ANKRD18A: variants seen among roughly 807,000 people sequenced by gnomAD.
ANKRD18A encodes ankyrin repeat domain-containing protein 18A.
In ANKRD18A, 72 loss-of-function variants were observed where a neutral mutation model predicts 110.6. The ratio of observed to expected loss-of-function variants is 0.65; its 90% CI spans 0.54 to 0.79. The LOEUF (loss-of-function observed/expected upper bound fraction) is 0.79, where lower values mean the gene tolerates loss of function less well. Among genes scored for constraint, ANKRD18A ranks in the 30% least tolerant of loss-of-function variants. ANKRD18A has a pLI of 0.00. For synonymous variants in ANKRD18A, 305 were observed against 410.3 expected, an observed-to-expected ratio of 0.74 and a Z score of 3.10; for missense variants, 934 against 1,163.3, an observed-to-expected ratio of 0.80 and a Z score of 2.87.
intron 3 of ANKRD18A, among the ~76,000 whole-genome samples, chr9:38,612,563 G>C (rs983070039): frequency 2.1e-5 from 3 of 139,902 alleles, no homozygotes; most frequent in African/African-American, 8.2e-5. Flanking sequence ...TGTCACCCAG[G>C]CTGCAGTGCA....
intron 12 of ANKRD18A, among the ~76,000 whole-genome samples, chr9:38,579,965 G>A (rs1587489514): frequency 6.6e-6 from 1 of 152,138 alleles, no homozygotes; most frequent in Non-Finnish European, 1.5e-5. Context: ...AAAAATTGTG[G>A]TACACATAAA....
chr9:38,607,110 G>A (rs1825395048), intron 6 of ANKRD18A, among the ~76,000 whole-genome samples: 1 of 152,172 alleles, frequency 6.6e-6, no homozygotes, highest in Admixed American at 6.5e-5. Flanking sequence ...AGGCTGGAGT[G>A]CAGTGGTGCA....
chr9:38,610,681 G>A (rs1274820949), intron 4 of ANKRD18A, among the ~76,000 whole-genome samples: 1 of 152,070 alleles, frequency 6.6e-6, no homozygotes, highest in African/African-American at 2.4e-5. Flanking sequence ...GTCCTTTGAT[G>A]GCCAAGAAAC....
intron 5 of ANKRD18A, among the ~76,000 whole-genome samples, chr9:38,608,767 A>T (rs1173925408): frequency 6.7e-6 from 1 of 149,448 alleles, no homozygotes; most frequent in Non-Finnish European, 1.5e-5. Flanking sequence ...TCTCACATAA[A>T]TATAAGAGAT....
Position 38,620,469 on chromosome 9 carries a change from G to A in ANKRD18A, c.-184C>T, listed in dbSNP as rs1826048795. The A allele has an allele frequency of 2.1e-6, 3 of 1,423,894 alleles. No homozygotes were observed. Among genetic ancestry groups the A allele is most frequent in the Non-Finnish European group, 9.2e-7 (1 of 1,090,796 alleles). 88.2% of individuals were successfully genotyped at this position (1,423,894 alleles called of 1,614,324 possible). ...ACCCGCAATGTAGCTCAGAATCCGC[G>A]ATCCAGCCCGGTCCACCACAGCCTT... On this transcript the variant is annotated 5_prime_UTR_variant, in exon 1 of 16. Transcript: ENST00000399703.
At chr9:38,590,126 ATACT>A in intron 10 of ANKRD18A, among the ~76,000 whole-genome samples, 1 of 152,100 alleles carries the variant, frequency 6.6e-6, no homozygotes, top group Non-Finnish European at 1.5e-5. Context: ...ATTCACCAGT[ATACT>A]TTGCTTTGTC....
chr9:38,602,015 A>C (rs1461172595), intron 7 of ANKRD18A, among the ~76,000 whole-genome samples: 1 of 150,818 alleles, frequency 6.6e-6, no homozygotes, highest in Non-Finnish European at 1.5e-5. Flanking sequence ...AAAAGGAAAA[A>C]AGGCTCAAAA....
At chr9:38,617,796 G>A (rs1198568590) in intron 1 of ANKRD18A, among the ~76,000 whole-genome samples, 1 of 152,134 alleles carries the variant, frequency 6.6e-6, no homozygotes, top group African/African-American at 2.4e-5. Flanking sequence ...AGTGCAAAAT[G>A]TTTGCTACAT....
chr9:38,590,792 G>A (rs1563962888), intron 10 of ANKRD18A, among the ~76,000 whole-genome samples: 1 of 151,966 alleles, frequency 6.6e-6, no homozygotes. Context: ...CTTAATCCAG[G>A]TAGTCTCCTG....
intron 12 of ANKRD18A, among the ~76,000 whole-genome samples, chr9:38,580,321 G>T (rs1824101712): frequency 6.6e-6 from 1 of 152,194 alleles, no homozygotes; most frequent in African/African-American, 2.4e-5. Flanking sequence ...GATCACATGG[G>T]CCCAAGAGGT....
At chr9:38,603,875 A>T (rs1181555415) in intron 6 of ANKRD18A, among the ~76,000 whole-genome samples, 1 of 152,170 alleles carries the variant, frequency 6.6e-6, no homozygotes, top group African/African-American at 2.4e-5. Context: ...ATCTATGTGG[A>T]TATTTATTAT....
intron 12 of ANKRD18A, among the ~76,000 whole-genome samples, chr9:38,583,528 T>C (rs905219653): frequency 2.0e-5 from 3 of 152,110 alleles, no homozygotes; most frequent in African/African-American, 7.2e-5. Flanking sequence ...TAGCTGGGAT[T>C]ACAGGCACAC....
At chr9:38,576,347 G>A (rs1056990212) in intron 14 of ANKRD18A, among the ~76,000 whole-genome samples, 6 of 152,164 alleles carry the variant, frequency 3.9e-5, no homozygotes, top group East Asian at 3.9e-4. Flanking sequence ...AAGAACTAAA[G>A]CATCTCTGAA....
rs1168351951 is a variant in ANKRD18A, at chr9:38,571,841, G to A, written c.*204C>T. ...TAACATATAAATATACACCATATGT[G>A]ACATGAAAATATTCTACTTTAGTAA... On this transcript the variant is annotated 3_prime_UTR_variant, in exon 16 of 16. Transcript: ENST00000399703. 3 of 1,268,330 alleles carry A rather than the reference G, an allele frequency of 2.4e-6. No homozygotes were observed. The highest frequency in any genetic ancestry group is 3.0e-6 in the Non-Finnish European group (3 of 998,596). The allele number at this position is 1,268,330 out of a possible 1,614,324, so 78.6% of individuals were successfully genotyped here. A position where few individuals can be genotyped will look rare whatever the true frequency, so the allele number is the denominator to read the frequency against.
intron 3 of ANKRD18A, among the ~76,000 whole-genome samples, chr9:38,613,706 C>T (rs182077933): frequency 6.6e-6 from 1 of 152,294 alleles, no homozygotes; most frequent in East Asian, 1.9e-4. Context: ...AAACTGACAT[C>T]CTGATAATGC....
chr9:38,603,351 A>G, intron 6 of ANKRD18A, 139 bp from the exon 7 acceptor site: 1 of 1,214,094 alleles, frequency 8.2e-7, no homozygotes, highest in Non-Finnish European at 1.1e-6. Flanking sequence ...ACTCATCACC[A>G]CAAATTTAAA....
intron 9 of ANKRD18A, 39 bp downstream of exon 9, chr9:38,595,447 A>G (rs1271943802): frequency 2.1e-6 from 3 of 1,409,648 alleles, no homozygotes; most frequent in African/African-American, 1.5e-5. Context: ...AAATATTTAA[A>G]TTTTCTTTCC....
chr9:38,586,689 CAAGT>C (rs1210298628), intron 11 of ANKRD18A, among the ~76,000 whole-genome samples: 1 of 152,050 alleles, frequency 6.6e-6, no homozygotes, highest in Non-Finnish European at 1.5e-5. Flanking sequence ...CTCAGCCTCC[CAAGT>C]AAGCTGGGAT....
At chr9:38,608,617 A>T (rs1463157724) in intron 5 of ANKRD18A, among the ~76,000 whole-genome samples, 2 of 146,534 alleles carry the variant, frequency 1.4e-5, no homozygotes, top group Non-Finnish European at 3.0e-5. Context: ...ATATATTTAT[A>T]ATAATAATAT....
Sources: gnomAD v4.1 joint callset for allele counts (sites outside exome capture counted in the v4.1 genomes callset) on GRCh38, gnomAD v4.1.1 for gene constraint, MANE v1.5 for transcripts, NCBI Gene and HGNC (gene_info 2026-07-23, HGNC 2026-07-21) for gene names.